PLPPR5: variants seen among roughly 807,000 people sequenced by gnomAD.
The protein encoded by PLPPR5 is phospholipid phosphatase-related protein type 5.
PLPPR5 carries 16 observed loss-of-function variants against 33.9 expected under a neutral mutation model. The observed-to-expected ratio is 0.47, with a 90% CI of 0.32 to 0.72. The LOEUF (loss-of-function observed/expected upper bound fraction) is 0.72, where lower values mean the gene tolerates loss of function less well. PLPPR5 is among the 30% of genes least tolerant of loss of function. The pLI, the probability that PLPPR5 is intolerant of heterozygous loss-of-function variation, is 0.03. For missense variants in PLPPR5, 301 were observed against 406.7 expected, an observed-to-expected ratio of 0.74 and a Z score of 2.23; for synonymous variants, 163 against 150.3, an observed-to-expected ratio of 1.08 and a Z score of -0.62.
chr1:98,938,948 G>A (rs1049661108), intron 3 of PLPPR5, among the ~76,000 whole-genome samples: 3 of 151,996 alleles, frequency 2.0e-5, no homozygotes, highest in Non-Finnish European at 4.4e-5. Flanking sequence ...ACATACAGAG[G>A]AACAACACAC....
intron 1 of PLPPR5, among the ~76,000 whole-genome samples, chr1:98,998,086 A>G (rs1306244987): frequency 1.3e-5 from 2 of 152,062 alleles, no homozygotes; most frequent in Admixed American, 6.6e-5. Flanking sequence ...AAATAAGTGG[A>G]AAAAGAGACA....
chr1:98,991,864 A>C (rs1261627271), intron 1 of PLPPR5, among the ~76,000 whole-genome samples: 1 of 152,142 alleles, frequency 6.6e-6, no homozygotes, highest in Admixed American at 6.6e-5. Flanking sequence ...GGCCCAAAAA[A>C]AAGGACTAGA....
chr1:98,896,220 A>T (rs184864478), intron 5 of PLPPR5, among the ~76,000 whole-genome samples: 19 of 152,194 alleles, frequency 1.2e-4, no homozygotes, highest in Admixed American at 9.8e-4. Context: ...GCAGGAAGTT[A>T]TTGTCTATTC....
In PLPPR5 at chr1:98,920,571, G is replaced by T. The variant is rs12044136; in HGVS notation, c.798+1311C>A. Among the ~76,000 whole-genome samples, 4 of 96,452 alleles carry T rather than the reference G, an allele frequency of 4.1e-5. No individual in the cohort carries two copies. In the East Asian group the frequency reaches 9.8e-4, roughly 24 times the overall value. The allele number at this position is 96,452 out of a possible 152,430, so 63.3% of individuals were successfully genotyped here. ...AGTCTAAGTCTCCCAGGGACCTTGG[G>T]AATCACAGAGAGTGGTATCACCAAA... is the stretch of plus-strand genomic sequence containing the variant. On this transcript the variant is annotated intron_variant, in intron 4 of 5. Coordinates refer to ENST00000263177, the MANE Select transcript of PLPPR5 (RefSeq NM_001037317.2).
At chr1:98,945,612 T>A (rs1015044667) in intron 3 of PLPPR5, among the ~76,000 whole-genome samples, 3 of 152,226 alleles carry the variant, frequency 2.0e-5, no homozygotes, top group African/African-American at 7.2e-5. Context: ...TAGCTTCTCA[T>A]AGTCTCAATT....
At chr1:98,954,291 A>T (rs1282773442) in intron 2 of PLPPR5, among the ~76,000 whole-genome samples, 1 of 152,206 alleles carries the variant, frequency 6.6e-6, no homozygotes, top group East Asian at 1.9e-4. Context: ...AAGGAAATTC[A>T]TCCTTTTATA....
chr1:98,998,996 C>T (rs1652731450), intron 1 of PLPPR5, among the ~76,000 whole-genome samples: 1 of 152,122 alleles, frequency 6.6e-6, no homozygotes, highest in Admixed American at 6.5e-5. Context: ...CTTGGACAAA[C>T]AGAGGAGTCA....
chr1:98,911,453 AT>A (rs949765110), intron 5 of PLPPR5, among the ~76,000 whole-genome samples: 2 of 152,166 alleles, frequency 1.3e-5, no homozygotes, highest in African/African-American at 4.8e-5. Flanking sequence ...GATGAATAGA[AT>A]TTTTTTGCTT....
intron 5 of PLPPR5, among the ~76,000 whole-genome samples, chr1:98,898,147 T>C (rs994707201): frequency 3.3e-5 from 5 of 152,152 alleles, no homozygotes; most frequent in Admixed American, 1.3e-4. Context: ...ACCTGATCTG[T>C]TGTGAGGCAA....
At chr1:98,930,346 T>A (rs1649918826) in intron 3 of PLPPR5, among the ~76,000 whole-genome samples, 1 of 152,172 alleles carries the variant, frequency 6.6e-6, no homozygotes, top group Admixed American at 6.6e-5. Context: ...TCAGGATTTC[T>A]TCAGATAAGG....
chr1:98,934,878 T>C (rs966884606), intron 3 of PLPPR5, among the ~76,000 whole-genome samples: 1 of 152,182 alleles, frequency 6.6e-6, no homozygotes, highest in African/African-American at 2.4e-5. Flanking sequence ...AGGATCATTT[T>C]TGAGGTGTTT....
chr1:98,999,229 C>T (rs1557698516), intron 1 of PLPPR5, among the ~76,000 whole-genome samples: 1 of 152,310 alleles, frequency 6.6e-6, no homozygotes, highest in East Asian at 1.9e-4. Context: ...CTTGGAAAGC[C>T]TAATAGGAGC....
chr1:98,909,902 T>C (rs1453296294), intron 5 of PLPPR5, among the ~76,000 whole-genome samples: 1 of 152,150 alleles, frequency 6.6e-6, no homozygotes, highest in Non-Finnish European at 1.5e-5. Flanking sequence ...ACAAACCAAA[T>C]GTAATGAATG....
intron 1 of PLPPR5, among the ~76,000 whole-genome samples, chr1:98,959,483 G>A (rs918473777): frequency 1.3e-5 from 2 of 152,180 alleles, no homozygotes; most frequent in African/African-American, 4.8e-5. Flanking sequence ...CAGAATTGAA[G>A]GGCAGGGAGC....
intron 1 of PLPPR5, among the ~76,000 whole-genome samples, chr1:98,982,539 A>C (rs1335594141): frequency 6.6e-6 from 1 of 151,940 alleles, no homozygotes; most frequent in Non-Finnish European, 1.5e-5. Context: ...TTTGTTTTCT[A>C]TTTCTGCTTT....
chr1:98,987,211 G>GC, intron 1 of PLPPR5, among the ~76,000 whole-genome samples: 1 of 151,714 alleles, frequency 6.6e-6, no homozygotes, highest in Admixed American at 6.6e-5. Flanking sequence ...TTCCACTTAA[G>GC]CCCCGGAAAA....
At chr1:98,969,091 T>C (rs1557687623) in intron 1 of PLPPR5, among the ~76,000 whole-genome samples, 1 of 152,116 alleles carries the variant, frequency 6.6e-6, no homozygotes, top group Non-Finnish European at 1.5e-5. Flanking sequence ...GTCCAGTGTT[T>C]TCCAAACTTA....
chr1:99,004,270 A>C (rs1570772845), intron 1 of PLPPR5, 165 bp downstream of exon 1: 1 of 615,466 alleles, frequency 1.6e-6, no homozygotes, highest in Non-Finnish European at 2.8e-6. Context: ...CTTCGCACCC[A>C]CCCTCACGCG....
intron 3 of PLPPR5, among the ~76,000 whole-genome samples, chr1:98,924,290 G>A (rs981733989): frequency 2.0e-5 from 3 of 152,164 alleles, no homozygotes; most frequent in Non-Finnish European, 1.5e-5. Flanking sequence ...ATTATGAAGA[G>A]TACACAATTT....
Sources: gnomAD v4.1 joint callset for allele counts (sites outside exome capture counted in the v4.1 genomes callset) on GRCh38, gnomAD v4.1.1 for gene constraint, MANE v1.5 for transcripts, NCBI Gene and HGNC (gene_info 2026-07-23, HGNC 2026-07-21) for gene names.